Variants in JAK1 observed in about 807,000 individuals in gnomAD.
The protein encoded by JAK1 is Janus kinase 1.
A neutral mutation model predicts 136.6 loss-of-function variants in JAK1; 16 were observed. That is an observed-to-expected ratio of 0.12 (90% CI 0.08 to 0.18). The LOEUF is 0.18. JAK1 is among the 10% of genes least tolerant of loss of function. The probability of loss-of-function intolerance (pLI) is 1.00; values close to 1 mark genes in which losing one functional copy is unlikely to be tolerated. For synonymous variants in JAK1, 492 were observed against 519.5 expected (o/e 0.95, Z 0.72); for missense variants, 859 against 1,450.1 (o/e 0.59, Z 6.62).
chr1:64,894,340 G>A (rs541314533), intron 1 of JAK1, among the ~76,000 whole-genome samples: 1 of 152,186 alleles, frequency 6.6e-6, no homozygotes, highest in Non-Finnish European at 1.5e-5. Flanking sequence ...GCAACAATGG[G>A]AGACCACTCT....
At chr1:64,955,589 T>C (rs1646171904) in intron 1 of JAK1, among the ~76,000 whole-genome samples, 1 of 152,202 alleles carries the variant, frequency 6.6e-6, no homozygotes, top group Admixed American at 6.5e-5. Flanking sequence ...ACCTTTACTA[T>C]CAGACTAAGG....
At chr1:64,848,363 A>G (rs1215232073) in intron 12 of JAK1, among the ~76,000 whole-genome samples, 1 of 152,182 alleles carries the variant, frequency 6.6e-6, no homozygotes, top group Non-Finnish European at 1.5e-5. Flanking sequence ...CCATCCATTT[A>G]TCCAGTGTGT....
intron 2 of JAK1, among the ~76,000 whole-genome samples, chr1:64,994,675 ATGC>A (rs1360317546): frequency 1.3e-5 from 2 of 152,152 alleles, no homozygotes; most frequent in African/African-American, 4.8e-5. Context: ...TTTTCAACAC[ATGC>A]TTTTTTGGGG....
intron 11 of JAK1, among the ~76,000 whole-genome samples, chr1:64,854,349 C>T (rs1335302834): frequency 1.3e-5 from 2 of 152,148 alleles, no homozygotes; most frequent in Admixed American, 1.3e-4. Context: ...CAGTGGCAAT[C>T]GTGCTGCTCC....
intron 1 of JAK1, among the ~76,000 whole-genome samples, chr1:64,928,799 A>AAAAAAAAAAAAAAAAC (rs1645636725): frequency 1.2e-5 from 1 of 85,038 alleles, no homozygotes; most frequent in African/African-American, 9.0e-5. Flanking sequence ...AAAAAAAACA[A>AAAAAAAAAAAAAAAAC]AAAAAAAAAA....
intron 1 of JAK1, among the ~76,000 whole-genome samples, chr1:65,047,718 CAA>C (rs775590448): frequency 3.1e-5 from 4 of 128,104 alleles, no homozygotes; most frequent in Non-Finnish European, 3.4e-5. Context: ...GACTTCATCT[CAA>C]AAAAAAAAAA....
chr1:64,923,196 C>A (rs544822168), intron 1 of JAK1, among the ~76,000 whole-genome samples: 1 of 152,138 alleles, frequency 6.6e-6, no homozygotes, highest in South Asian at 2.1e-4. Context: ...ATGACTGACA[C>A]GCAACATAAT....
intron 1 of JAK1, among the ~76,000 whole-genome samples, chr1:65,063,010 T>C (rs1320245776): frequency 1.3e-5 from 2 of 152,216 alleles, no homozygotes; most frequent in African/African-American, 4.8e-5. Context: ...TCCAGTGCAA[T>C]TTCTGAATCT....
intron 2 of JAK1, among the ~76,000 whole-genome samples, chr1:65,009,099 C>T (rs1291386426): frequency 2.6e-5 from 4 of 151,486 alleles, no homozygotes; most frequent in African/African-American, 7.3e-5. Flanking sequence ...TAGAAACAAC[C>T]GGAATGTCCA....
chr1:64,892,513 G>A (rs901375123), intron 1 of JAK1, among the ~76,000 whole-genome samples: 1 of 152,064 alleles, frequency 6.6e-6, no homozygotes, highest in African/African-American at 2.4e-5. Flanking sequence ...TCATACTCCT[G>A]GGCTCAAGCA....
intron 14 of JAK1, 140 bp downstream of exon 14, chr1:64,846,509 T>C (rs1655240096): frequency 6.2e-6 from 4 of 646,000 alleles, no homozygotes; most frequent in Non-Finnish European, 1.1e-5. Context: ...AATGACCTGC[T>C]CAGTCCCTCA....
In JAK1 at chr1:64,985,080, A is replaced by G. The variant is rs1646585583; in HGVS notation, c.-78+59400T>C. ...GATGGAACAAAAAGCCATCCCTCCA[A>G]GGCCTATCATATGTAGAGTCCTTCT... is the stretch of plus-strand genomic sequence containing the variant. On this transcript the variant is annotated intron_variant, in intron 2 of 25. Coordinates refer to the JAK1 transcript ENST00000671954. 3 of 921,184 alleles carry G rather than the reference A, an allele frequency of 3.3e-6. No homozygotes were observed. In the African/African-American group the frequency reaches 4.9e-5, roughly 15 times the overall value. The allele number at this position is 921,184 out of a possible 1,614,324, so 57.1% of individuals were successfully genotyped here. A position where few individuals can be genotyped will look rare whatever the true frequency, so the allele number is the denominator to read the frequency against.
chr1:64,974,037 T>C (rs1646477255), intron 2 of JAK1: 1 of 152,230 alleles, frequency 6.6e-6, no homozygotes, highest in African/African-American at 2.4e-5. Context: ...ATTATAAATG[T>C]CCACATTATG....
intron 10 of JAK1, among the ~76,000 whole-genome samples, chr1:64,856,855 C>CT (rs3838403): frequency 0.4 from 60,948 of 151,914 alleles, 13,386 homozygotes; most frequent in African/African-American, 0.59. Flanking sequence ...CGCCAATAAG[C>CT]TGTCCTTCCT....
intron 1 of JAK1, among the ~76,000 whole-genome samples, chr1:64,932,714 G>GT (rs34258903): frequency 1.6e-4 from 24 of 150,890 alleles, no homozygotes; most frequent in African/African-American, 3.2e-4. Flanking sequence ...GCTATGGTTT[G>GT]TTTTTTTTTA....
rs529701139 is a variant in JAK1, at chr1:65,031,780, A to T, written c.-78+12700T>A. Among the ~76,000 whole-genome samples the T allele has an allele frequency of 2.6e-4, 40 of 152,250 alleles. 1 individual carries two copies. The South Asian group carries it at 8.3e-3, about 32-fold the overall frequency. ...TTTTTCAGAAAAAAATCATACACAC[A>T]TGCCAGAGACAGAGAGAGAATGATA... On this transcript the variant is annotated intron_variant, in intron 2 of 25. Coordinates refer to the JAK1 transcript ENST00000671954.
intron 2 of JAK1, among the ~76,000 whole-genome samples, chr1:64,995,282 C>A (rs1227340417): frequency 6.6e-6 from 1 of 152,146 alleles, no homozygotes; most frequent in African/African-American, 2.4e-5. Flanking sequence ...GTAATGGGAA[C>A]TATGCCCATT....
intron 1 of JAK1, among the ~76,000 whole-genome samples, chr1:65,064,622 T>C (rs560994364): frequency 6.6e-6 from 1 of 152,292 alleles, no homozygotes; most frequent in South Asian, 2.1e-4. Context: ...AAGGTAGAGG[T>C]GGAAAATCCT....
At chr1:64,957,018 C>G (rs1399627236) in intron 1 of JAK1, among the ~76,000 whole-genome samples, 1 of 152,100 alleles carries the variant, frequency 6.6e-6, no homozygotes, top group Non-Finnish European at 1.5e-5. Flanking sequence ...TTTTAGATAA[C>G]TAGGGCAGAA....
Sources: allele counts gnomAD v4.1 joint callset (sites outside exome capture counted in the v4.1 genomes callset), GRCh38; gene constraint gnomAD v4.1.1; transcripts MANE v1.5; gene names NCBI Gene and HGNC (gene_info 2026-07-23, HGNC 2026-07-21).